The following AGBL4 variants were observed in gnomAD, a reference collection of about 807,000 sequenced individuals.
The protein encoded by AGBL4 is AGBL carboxypeptidase 4, also known as cytosolic carboxypeptidase 6.
In AGBL4, 58 loss-of-function variants were observed where a neutral mutation model predicts 66.4. That is an observed-to-expected ratio of 0.87 (90% CI 0.71 to 1.09). AGBL4 has a LOEUF of 1.09. AGBL4 is among the 50% of genes least tolerant of loss of function. The pLI, the probability that AGBL4 is intolerant of heterozygous loss-of-function variation, is 0.00. For synonymous variants in AGBL4, 234 were observed against 222.9 expected (o/e 1.05, Z -0.44); for missense variants, 579 against 631.0 (o/e 0.92, Z 0.88).
rs527670217 is a variant in AGBL4, at chr1:49,253,591, A to T, written c.283-7727T>A. Reference sequence around the variant, plus strand: ...TGGATTCACAGCTGAATTCTAGCAGATGTACAAAGAAGTGTTACCATTCCT... The same window carrying T: ...TGGATTCACAGCTGAATTCTAGCAGTTGTACAAAGAAGTGTTACCATTCCT... On this transcript the variant is annotated intron_variant, in intron 3 of 13. Coordinates refer to ENST00000371839, the MANE Select transcript of AGBL4 (RefSeq NM_032785.4). 1.8e-4 allele frequency among the ~76,000 whole-genome samples: 27 copies of T among 152,262 alleles called. No individual in the cohort carries two copies. The South Asian group carries it at 5.6e-3, about 32-fold the overall frequency.
chr1:49,219,548 G>A (rs1649340356), intron 4 of AGBL4, among the ~76,000 whole-genome samples: 1 of 152,046 alleles, frequency 6.6e-6, no homozygotes, highest in Non-Finnish European at 1.5e-5. Flanking sequence ...AGGCTGACAT[G>A]GACAAATGAT....
At chr1:49,584,761 T>A (rs963394650) in intron 3 of AGBL4, among the ~76,000 whole-genome samples, 35 of 152,210 alleles carry the variant, frequency 2.3e-4, no homozygotes, top group African/African-American at 8.0e-4. Context: ...TCAGGGTATA[T>A]CTGCCTTTAT....
At chr1:49,724,831 A>T (rs1354650695) in intron 2 of AGBL4, among the ~76,000 whole-genome samples, 1 of 152,134 alleles carries the variant, frequency 6.6e-6, no homozygotes, top group Non-Finnish European at 1.5e-5. Flanking sequence ...GAAGGTCAGG[A>T]AGGTAGCTCT....
intron 6 of AGBL4, among the ~76,000 whole-genome samples, chr1:48,809,784 T>C (rs541266768): frequency 2.7e-4 from 41 of 152,330 alleles, no homozygotes; most frequent in Admixed American, 2.4e-3. Flanking sequence ...GGTATCCCTA[T>C]GCTTCTTTTG....
rs939674625 is a variant in AGBL4 at position 49,998,713 on chromosome 1, C to T, written c.34+25050G>A. ...AATACTAGCTAACTGATTTCAACAA[C>T]ATATCAAAAAGATAATCCACCATGA... is the stretch of plus-strand genomic sequence containing the variant. On this transcript the variant is annotated intron_variant, in intron 1 of 13. Transcript: ENST00000371839. Among the ~76,000 whole-genome samples, 5 of 152,130 alleles carry T rather than the reference C, an allele frequency of 3.3e-5. No homozygotes were observed. In the East Asian group the frequency reaches 9.6e-4, roughly 29 times the overall value.
chr1:49,486,448 T>C (rs909134733), intron 3 of AGBL4, among the ~76,000 whole-genome samples: 2 of 151,904 alleles, frequency 1.3e-5, no homozygotes, highest in Admixed American at 6.6e-5. Flanking sequence ...AGAAAGCCCA[T>C]CTCAGTTAAT....
chr1:49,568,487 T>TCACACACACA (rs71059555), intron 3 of AGBL4, among the ~76,000 whole-genome samples: 13,690 of 131,046 alleles, frequency 0.1, 859 homozygotes, highest in Non-Finnish European at 0.12. Context: ...AAATAAGTGA[T>TCACACACACA]CACACACACA....
intron 3 of AGBL4, among the ~76,000 whole-genome samples, chr1:49,286,419 A>G (rs1399206312): frequency 6.6e-5 from 10 of 152,058 alleles, no homozygotes; most frequent in Admixed American, 4.6e-4. Flanking sequence ...AGGAAGTCAA[A>G]TTGTCCCTGT....
chr1:49,573,422 C>T (rs1038283904), intron 3 of AGBL4, among the ~76,000 whole-genome samples: 1 of 152,038 alleles, frequency 6.6e-6, no homozygotes, highest in African/African-American at 2.4e-5. Context: ...AAAATAAATG[C>T]ATTTGACACT....
At chr1:49,969,913 T>C (rs1557628051) in intron 1 of AGBL4, among the ~76,000 whole-genome samples, 1 of 152,036 alleles carries the variant, frequency 6.6e-6, no homozygotes, top group Non-Finnish European at 1.5e-5. Context: ...CATAGACCAA[T>C]AGAACAGAAC....
intron 4 of AGBL4, among the ~76,000 whole-genome samples, chr1:49,178,520 G>A (rs567209364): frequency 6.6e-6 from 1 of 152,234 alleles, no homozygotes; most frequent in East Asian, 1.9e-4. Flanking sequence ...CTCTGTGTCT[G>A]TTTCATTCAG....
intron 3 of AGBL4, among the ~76,000 whole-genome samples, chr1:49,595,574 T>C (rs1486749884): frequency 1.3e-5 from 2 of 151,668 alleles, no homozygotes; most frequent in Non-Finnish European, 2.9e-5. Context: ...GCTTAGAGAG[T>C]CATTGAGATT....
chr1:49,877,553 C>T (rs1365293168), intron 1 of AGBL4, among the ~76,000 whole-genome samples: 3 of 151,488 alleles, frequency 2.0e-5, no homozygotes, highest in African/African-American at 7.3e-5. Flanking sequence ...CTGCTGGATT[C>T]GGTTTGCCAG....
chr1:49,968,067 AC>A (rs1223726050), intron 1 of AGBL4, among the ~76,000 whole-genome samples: 2 of 152,098 alleles, frequency 1.3e-5, no homozygotes. Context: ...CTACTAAAAT[AC>A]AAAAATTAGC....
intron 8 of AGBL4, among the ~76,000 whole-genome samples, chr1:48,648,342 C>T (rs1407854512): frequency 2.0e-5 from 3 of 152,146 alleles, no homozygotes; most frequent in East Asian, 1.9e-4. Context: ...TGGCTTATTA[C>T]ATTAGCATAA....
At chr1:48,560,188 A>C (rs1398116456) in intron 11 of AGBL4, among the ~76,000 whole-genome samples, 1 of 152,142 alleles carries the variant, frequency 6.6e-6, no homozygotes, top group African/African-American at 2.4e-5. Context: ...TATGACCTCA[A>C]GTTTCTTCAC....
At chr1:49,960,051 A>T (rs915413935) in intron 1 of AGBL4, among the ~76,000 whole-genome samples, 7 of 152,010 alleles carry the variant, frequency 4.6e-5, no homozygotes, top group Non-Finnish European at 1.0e-4. Context: ...GATCAGAAAA[A>T]AATACCTAGA....
intron 3 of AGBL4, among the ~76,000 whole-genome samples, chr1:49,340,342 A>T (rs1645514764): frequency 6.6e-6 from 1 of 152,140 alleles, no homozygotes; most frequent in African/African-American, 2.4e-5. Context: ...AACCAGTAGA[A>T]TTCCACAAGC....
chr1:49,822,346 T>A (rs1162913741), intron 2 of AGBL4, among the ~76,000 whole-genome samples: 1 of 152,030 alleles, frequency 6.6e-6, no homozygotes, highest in African/African-American at 2.4e-5. Context: ...TGTGTTTGTG[T>A]GAGACGGAGT....
Sources: allele counts gnomAD v4.1 joint callset (sites outside exome capture counted in the v4.1 genomes callset), GRCh38; gene constraint gnomAD v4.1.1; transcripts MANE v1.5; gene names NCBI Gene and HGNC (gene_info 2026-07-23, HGNC 2026-07-21).